The following PRUNE2 variants were observed in gnomAD, a reference collection of about 807,000 sequenced individuals.
PRUNE2 encodes the protein protein prune homolog 2.
A neutral mutation model predicts 252.0 loss-of-function variants in PRUNE2; 164 were observed. The ratio of observed to expected loss-of-function variants is 0.65; its 90% CI spans 0.57 to 0.74. The LOEUF (loss-of-function observed/expected upper bound fraction) is 0.74, where lower values mean the gene tolerates loss of function less well. PRUNE2 is among the 30% of genes least tolerant of loss of function. The pLI is 0.00. For missense variants in PRUNE2, 3,495 were observed against 3,711.0 expected (o/e 0.94, Z 1.51); for synonymous variants, 1,292 against 1,350.2 (o/e 0.96, Z 0.94).
In PRUNE2 at chr9:76,705,569, A is replaced by T. The variant is rs1276259500; in HGVS notation, c.6705T>A (p.Ile2235=). The change falls in exon 8 of 19, where the codon ATT becomes ATA. Residue 2235 remains isoleucine, a synonymous_variant. Coordinates refer to ENST00000376718, the MANE Select transcript of PRUNE2 (RefSeq NM_015225.3). ...IPRIENVATS[I]FVTHQEPTPE... ...GAGTTGGCTCTTGGTGAGTTACAAA[A>T]ATGCTAGTTGCCACATTTTCAATCC... 3 of 1,614,016 alleles carry T rather than the reference A, an allele frequency of 1.9e-6. No homozygotes were observed. Among genetic ancestry groups the T allele is most frequent in the South Asian group, 2.2e-5 (2 of 91,078 alleles).
chr9:76,615,656 T>A (rs1308334572), intron 18 of PRUNE2, among the ~76,000 whole-genome samples: 2 of 152,196 alleles, frequency 1.3e-5, no homozygotes, highest in Admixed American at 6.5e-5. Flanking sequence ...AGCTTGCTAA[T>A]GAATAAGTCT....
chr9:76,744,608 C>T (rs968308736), intron 6 of PRUNE2, among the ~76,000 whole-genome samples: 2 of 152,176 alleles, frequency 1.3e-5, no homozygotes, highest in Non-Finnish European at 2.9e-5. Context: ...TGTTAGTTTA[C>T]AAAGGCATAC....
intron 15 of PRUNE2, among the ~76,000 whole-genome samples, chr9:76,631,381 TTCTC>T (rs1448788487): frequency 1.3e-5 from 2 of 152,206 alleles, no homozygotes; most frequent in Non-Finnish European, 1.5e-5. Flanking sequence ...TGGATTGCTC[TTCTC>T]TCTAATTTCA....
chr9:76,705,576 G>C lies in PRUNE2; in HGVS notation c.6698C>G (p.Thr2233Ser). The C allele has an allele frequency of 6.2e-7, 1 of 1,613,988 alleles. No individual in the cohort carries two copies. The highest frequency in any genetic ancestry group is 8.5e-7 in the Non-Finnish European group (1 of 1,179,872). ...CTCTTGGTGAGTTACAAAAATGCTAGTTGCCACATTTTCAATCCTTGGGAT... is the reference window on the plus strand; with the variant it reads ...CTCTTGGTGAGTTACAAAAATGCTACTTGCCACATTTTCAATCCTTGGGAT... ...RRIPRIENVATSIFVTHQEPT... is the reference protein window; with the variant it reads ...RRIPRIENVASSIFVTHQEPT... Residue 2233 changes from threonine to serine, a missense_variant, in exon 8 of 19, where the codon ACT becomes AGT. Transcript: ENST00000376718.
intron 6 of PRUNE2, among the ~76,000 whole-genome samples, chr9:76,755,617 G>A (rs2051070664): frequency 6.6e-6 from 1 of 152,144 alleles, no homozygotes; most frequent in Non-Finnish European, 1.5e-5. Context: ...TTATTAAAAT[G>A]CAGATTCTGA....
chr9:76,843,887 C>G (rs548682957), intron 4 of PRUNE2, among the ~76,000 whole-genome samples: 1 of 152,126 alleles, frequency 6.6e-6, no homozygotes, highest in East Asian at 1.9e-4. Flanking sequence ...CGCCACCACA[C>G]CGGCTAATTT....
intron 6 of PRUNE2, among the ~76,000 whole-genome samples, chr9:76,797,381 TTTTG>T (rs149376020): frequency 0.027 from 4,132 of 152,132 alleles, 195 homozygotes; most frequent in African/African-American, 0.094. Flanking sequence ...GTTCAGCTGT[TTTTG>T]TTTGTTTGTT....
Position 76,705,403 on chromosome 9 carries a change from A to G in PRUNE2, c.6871T>C (p.Cys2291Arg). ...AAGGCAGCTTCGCTTATATCCAGAC[A>G]AGTGTCTGAGGCTAGCAAAGCATCA... ...VPDALLASDT[C>R]LDISEAAFDH... Residue 2291 changes from cysteine to arginine, a missense_variant, in exon 8 of 19, where the codon TGT becomes CGT. By Grantham distance (180) the Cys-to-Arg change is radical. Transcript: ENST00000376718. 2.5e-6 allele frequency: 4 copies of G among 1,613,958 alleles called. No individual in the cohort carries two copies. Among genetic ancestry groups the G allele is most frequent in the Non-Finnish European group, 3.4e-6 (4 of 1,179,868 alleles).
At chr9:76,772,650 G>A (rs1409007344) in intron 6 of PRUNE2, among the ~76,000 whole-genome samples, 1 of 151,986 alleles carries the variant, frequency 6.6e-6, no homozygotes, top group Non-Finnish European at 1.5e-5. Flanking sequence ...TGTAGCCTTG[G>A]CCTCCCAGAC....
intron 1 of PRUNE2, among the ~76,000 whole-genome samples, chr9:76,892,835 CTTGT>C (rs2062569123): frequency 6.6e-6 from 1 of 152,090 alleles, no homozygotes; most frequent in African/African-American, 2.4e-5. Context: ...TACCTTATTG[CTTGT>C]TTATTATTTT....
Position 76,810,748 on chromosome 9 carries a change from T to C in PRUNE2, c.756+12884A>G, listed in dbSNP as rs1321751446. 2.6e-5 allele frequency among the ~76,000 whole-genome samples: 4 copies of C among 152,248 alleles called. No individual in the cohort carries two copies. In the East Asian group the frequency reaches 5.8e-4, roughly 22 times the overall value. ...AAATTTGTTTTTTCATTTTAGCGTGTACTAAAAAAAAAGTCTTTGTTACTT... is the reference window on the plus strand; with the variant it reads ...AAATTTGTTTTTTCATTTTAGCGTGCACTAAAAAAAAAGTCTTTGTTACTT... On this transcript the variant is annotated intron_variant, in intron 6 of 18. Transcript: ENST00000376718.
intron 11 of PRUNE2, 200 bp from the exon 12 acceptor site, chr9:76,645,109 C>T (rs1326837291): frequency 2.0e-6 from 1 of 510,910 alleles, no homozygotes; most frequent in Non-Finnish European, 3.5e-6. Flanking sequence ...ATATAAAGTA[C>T]ACTCAATGAA....
chr9:76,664,584 G>A lies in PRUNE2; in HGVS notation c.8277-9082C>T, dbSNP rs187696175. Among the ~76,000 whole-genome samples, 7 of 152,258 alleles carry A rather than the reference G, an allele frequency of 4.6e-5. No homozygotes were observed. In the East Asian group the frequency reaches 1.2e-3, roughly 25 times the overall value. On this transcript the variant is annotated intron_variant, in intron 9 of 18. Transcript: ENST00000376718. ...TGCCCAGGCTGGAGCGCAATGGAGC[G>A]ATCTCGGCTCACTCCAGTCTCCATC...
At chr9:76,766,686 C>A (rs1020694145) in intron 6 of PRUNE2, among the ~76,000 whole-genome samples, 12 of 152,128 alleles carry the variant, frequency 7.9e-5, no homozygotes, top group African/African-American at 2.4e-4. Flanking sequence ...TCGTCTTCTT[C>A]AAACATGTCA....
At chr9:76,639,220 C>T (rs894164922) in intron 12 of PRUNE2, among the ~76,000 whole-genome samples, 3 of 152,152 alleles carry the variant, frequency 2.0e-5, no homozygotes, top group African/African-American at 4.8e-5. Flanking sequence ...GGCCGGGCGC[C>T]ATGACTCATG....
chr9:76,641,995 G>C, intron 12 of PRUNE2: 1 of 1,074,330 alleles, frequency 9.3e-7, no homozygotes. Flanking sequence ...AATGAAATAA[G>C]AGAAGTAAAA....
At chr9:76,820,461 T>C (rs2057973946) in intron 6 of PRUNE2, among the ~76,000 whole-genome samples, 1 of 152,184 alleles carries the variant, frequency 6.6e-6, no homozygotes, top group African/African-American at 2.4e-5. Flanking sequence ...GCATGCTGTG[T>C]AAGTTACAGG....
chr9:76,645,836 A>G (rs1031649912), intron 11 of PRUNE2, among the ~76,000 whole-genome samples: 2 of 152,204 alleles, frequency 1.3e-5, no homozygotes, highest in Non-Finnish European at 2.9e-5. Flanking sequence ...GAAAAGCACC[A>G]TTGAATTTAC....
intron 9 of PRUNE2, among the ~76,000 whole-genome samples, chr9:76,664,838 C>T (rs1289560895): frequency 6.6e-6 from 1 of 152,208 alleles, no homozygotes; most frequent in African/African-American, 2.4e-5. Context: ...ACAGCAATAG[C>T]TAACTAATAC....
Sources: gnomAD v4.1 joint callset for allele counts (sites outside exome capture counted in the v4.1 genomes callset) on GRCh38, gnomAD v4.1.1 for gene constraint, MANE v1.5 for transcripts, NCBI Gene and HGNC (gene_info 2026-07-23, HGNC 2026-07-21) for gene names.